ATL1: variants seen among roughly 807,000 people sequenced by gnomAD.
The protein encoded by ATL1 is atlastin-1.
ATL1 carries 31 observed loss-of-function variants against 75.5 expected under a neutral mutation model. That is an observed-to-expected ratio of 0.41 (90% CI 0.31 to 0.55). The LOEUF (loss-of-function observed/expected upper bound fraction) is 0.55. ATL1 is among the 20% of genes least tolerant of loss of function. The pLI, the probability that ATL1 is intolerant of heterozygous loss-of-function variation, is 0.27. For missense variants in ATL1, 405 were observed against 662.6 expected (o/e 0.61, Z 4.27); for synonymous variants, 226 against 233.3 (o/e 0.97, Z 0.28).
intron 1 of ATL1, among the ~76,000 whole-genome samples, chr14:50,565,731 A>G (rs1287428656): frequency 6.6e-6 from 1 of 152,210 alleles, no homozygotes; most frequent in Non-Finnish European, 1.5e-5. Flanking sequence ...CAGTGGCTAC[A>G]CTGTAGGCAG....
chr14:50,550,637 G>A (rs2038691003), intron 1 of ATL1, among the ~76,000 whole-genome samples: 2 of 152,172 alleles, frequency 1.3e-5, no homozygotes, highest in Admixed American at 6.6e-5. Flanking sequence ...TAAAAGATAT[G>A]TGCCCTTAGG....
At chr14:50,619,303 C>A (rs1216696368) in intron 8 of ATL1, among the ~76,000 whole-genome samples, 1 of 152,102 alleles carries the variant, frequency 6.6e-6, no homozygotes, top group Non-Finnish European at 1.5e-5. Context: ...TCATGATCCA[C>A]CCGCCTCAGC....
intron 4 of ATL1, among the ~76,000 whole-genome samples, chr14:50,592,209 A>T (rs1362409591): frequency 6.6e-6 from 1 of 152,040 alleles, no homozygotes; most frequent in Non-Finnish European, 1.5e-5. Context: ...TGTCCTGAAA[A>T]TCCTTGTAGA....
intron 1 of ATL1, 57 bp from the exon 2 acceptor site, chr14:50,587,774 T>G: frequency 6.2e-7 from 1 of 1,612,062 alleles, no homozygotes; most frequent in Non-Finnish European, 8.5e-7. Flanking sequence ...GAGGTACATA[T>G]ACATTTCTTG....
At chr14:50,627,683 C>A (rs17122701) in intron 11 of ATL1, among the ~76,000 whole-genome samples, 1 of 151,982 alleles carries the variant, frequency 6.6e-6, no homozygotes, top group East Asian at 1.9e-4. Context: ...TTTGGATATA[C>A]GTAGTTTTCT....
intron 6 of ATL1, among the ~76,000 whole-genome samples, chr14:50,612,560 C>T (rs747436951): frequency 1.3e-5 from 2 of 152,116 alleles, no homozygotes; most frequent in Non-Finnish European, 2.9e-5. Flanking sequence ...ATCTCATCTT[C>T]CTTTTAGTCA....
intron 1 of ATL1, among the ~76,000 whole-genome samples, chr14:50,579,062 T>C (rs1277471370): frequency 6.6e-5 from 10 of 152,222 alleles, no homozygotes; most frequent in Admixed American, 6.5e-4. Flanking sequence ...TTTTTATATG[T>C]ATGGAGTCAT....
intron 1 of ATL1, among the ~76,000 whole-genome samples, chr14:50,586,515 G>T (rs927787990): frequency 6.6e-6 from 1 of 152,144 alleles, no homozygotes; most frequent in Non-Finnish European, 1.5e-5. Flanking sequence ...CCTCCCAAAG[G>T]CCTCATCTCT....
At chr14:50,620,865 T>G in intron 9 of ATL1, 139 bp downstream of exon 9, 1 of 1,091,240 alleles carries the variant, frequency 9.2e-7, no homozygotes, top group South Asian at 1.5e-5. Flanking sequence ...TAAAAATCCT[T>G]TCTAAAAAGC....
chr14:50,632,981 C>A lies in ATL1; in HGVS notation c.*642C>A, dbSNP rs982135449. 1 of 152,128 alleles carries A rather than the reference C, an allele frequency of 6.6e-6. No individual in the cohort carries two copies. Among genetic ancestry groups the A allele is most frequent in the African/African-American group, 2.4e-5 (1 of 41,436 alleles). The allele number at this position is 152,128 out of a possible 1,614,324, so 9.4% of individuals were successfully genotyped here. On this transcript the variant is annotated 3_prime_UTR_variant, in exon 14 of 14. Coordinates refer to ENST00000358385, the MANE Select transcript of ATL1 (RefSeq NM_015915.5). Reference sequence around the variant, plus strand: ...TTTGGTACACAAAGAATGTATTCTTCATAGGTTTATTCTTTTAATATGTGA... The same window carrying A: ...TTTGGTACACAAAGAATGTATTCTTAATAGGTTTATTCTTTTAATATGTGA...
rs59075218 is a variant in ATL1, at chr14:50,542,006, CAAAAAAAAAAAAAAAAAAAAAAAA to C, written c.-140+8658_-140+8681del. 1.3e-3 allele frequency among the ~76,000 whole-genome samples: 82 copies of C among 62,476 alleles called. 1 individual carries two copies. Among genetic ancestry groups the C allele is most frequent in the Middle Eastern group, 7.8e-3 (1 of 128 alleles). 41.0% of individuals were successfully genotyped at this position (62,476 alleles called of 152,430 possible). Reference sequence around the variant, plus strand: ...TGGGCGACAGAGCGAGATTCCGTCTCAAAAAAAAAAAAAAAAAAAAAAAAAAAAAAAAAAAAAAAAAAGAATATG... The same window carrying C: ...TGGGCGACAGAGCGAGATTCCGTCTCAAAAAAAAAAAAAAAAAAGAATATG... On this transcript the variant is annotated intron_variant, in intron 1 of 13. Coordinates refer to the ATL1 transcript ENST00000441560.
chr14:50,594,667 A>G (rs1410377511), intron 5 of ATL1, among the ~76,000 whole-genome samples: 1 of 152,168 alleles, frequency 6.6e-6, no homozygotes, highest in African/African-American at 2.4e-5. Flanking sequence ...TGCTCTGGGC[A>G]CAGTATATGT....
At chr14:50,550,111 A>AGG in intron 1 of ATL1, among the ~76,000 whole-genome samples, 1 of 152,260 alleles carries the variant, frequency 6.6e-6, no homozygotes, top group South Asian at 2.1e-4. Context: ...TCTTTGAGGG[A>AGG]GGTCTGAGAG....
chr14:50,568,542 T>C (rs2038925963), intron 1 of ATL1, among the ~76,000 whole-genome samples: 1 of 152,210 alleles, frequency 6.6e-6, no homozygotes, highest in African/African-American at 2.4e-5. Flanking sequence ...ACCCTACCAC[T>C]TTCAATCTGC....
rs192711470 is a variant in ATL1, at chr14:50,589,221, G to A, written c.282+1143G>A. On this transcript the variant is annotated intron_variant, in intron 2 of 13. Transcript: ENST00000358385. ...GTTACCCAGGCTGGAATGCAGTGGC[G>A]CAATCTTGGTTCACTGCAACCTCTG... Among the ~76,000 whole-genome samples the A allele has an allele frequency of 1.5e-3, 218 of 145,748 alleles. 2 individuals are homozygous for A. Among genetic ancestry groups the A allele is most frequent in the Non-Finnish European group, 2.3e-3 (151 of 67,018 alleles).
In ATL1 at chr14:50,632,366, T is replaced by C; in HGVS notation, c.*27T>C. On this transcript the variant is annotated 3_prime_UTR_variant, in exon 14 of 14. Coordinates refer to ENST00000358385, the MANE Select transcript of ATL1 (RefSeq NM_015915.5). ...GCAAATTTTAAGAAATACAGGTGCA[T>C]GACCAATTGTCAATTAAATATTCAG... The C allele has an allele frequency of 7.1e-7, 1 of 1,418,372 alleles. No homozygotes were observed. Among genetic ancestry groups the C allele is most frequent in the Non-Finnish European group, 1.0e-6 (1 of 1,003,994 alleles). 87.9% of individuals were successfully genotyped at this position (1,418,372 alleles called of 1,614,324 possible). A position where few individuals can be genotyped will look rare whatever the true frequency, so the allele number is the denominator to read the frequency against.
chr14:50,542,969 G>C (rs2038585261), intron 1 of ATL1, among the ~76,000 whole-genome samples: 1 of 152,222 alleles, frequency 6.6e-6, no homozygotes, highest in African/African-American at 2.4e-5. Flanking sequence ...GAAGATTTGA[G>C]ATAAGGAAGT....
At chr14:50,565,583 T>C (rs2038896272) in intron 1 of ATL1, among the ~76,000 whole-genome samples, 2 of 152,214 alleles carry the variant, frequency 1.3e-5, no homozygotes, top group African/African-American at 4.8e-5. Flanking sequence ...TTTTTTAAGT[T>C]GCCTTCCCTG....
intron 5 of ATL1, among the ~76,000 whole-genome samples, chr14:50,595,033 AAAAG>A (rs1198436480): frequency 2.6e-5 from 4 of 151,946 alleles, no homozygotes; most frequent in African/African-American, 7.2e-5. Flanking sequence ...AAAAAAAAGA[AAAAG>A]AAAAAAGACA....
Sources: allele counts gnomAD v4.1 joint callset (sites outside exome capture counted in the v4.1 genomes callset), GRCh38; gene constraint gnomAD v4.1.1; transcripts MANE v1.5; gene names NCBI Gene and HGNC (gene_info 2026-07-23, HGNC 2026-07-21).